TERF2: variants seen among roughly 807,000 people sequenced by gnomAD.
The protein encoded by TERF2 is telomeric repeat-binding factor 2.
Under a neutral mutation model 56.1 loss-of-function variants are expected in TERF2, and 16 were observed. The ratio of observed to expected loss-of-function variants is 0.29; its 90% CI spans 0.19 to 0.43. The LOEUF is 0.43. Ranked by LOEUF, TERF2 falls within the 20% of genes least tolerant of loss-of-function variation. The pLI is 1.00. For synonymous variants in TERF2, 296 were observed against 282.1 expected (o/e 1.05, Z -0.50); for missense variants, 547 against 712.9 (o/e 0.77, Z 2.65).
intron 3 of TERF2, among the ~76,000 whole-genome samples, chr16:69,381,260 T>G (rs1311549193): frequency 6.6e-6 from 1 of 152,226 alleles, no homozygotes; most frequent in Non-Finnish European, 1.5e-5. Context: ...TACTGTCACT[T>G]GTTTTATGTG....
At chr16:69,368,828 C>T (rs1433086041) in intron 5 of TERF2, among the ~76,000 whole-genome samples, 2 of 152,108 alleles carry the variant, frequency 1.3e-5, no homozygotes, top group African/African-American at 4.8e-5. Context: ...AGGCGCCCAC[C>T]ACCATGTCCA....
chr16:69,369,277 T>G (rs375211934), intron 5 of TERF2, among the ~76,000 whole-genome samples: 5 of 152,162 alleles, frequency 3.3e-5, no homozygotes, highest in African/African-American at 1.2e-4. Flanking sequence ...TCATGGACAC[T>G]ATCCTAATAT....
chr16:69,371,500 C>CA (rs778947462), intron 4 of TERF2, among the ~76,000 whole-genome samples: 1,752 of 41,526 alleles, frequency 0.042, 37 homozygotes, highest in Non-Finnish European at 0.062. Flanking sequence ...GACTCCATCT[C>CA]AAAAAAAAAA....
chr16:69,366,741 A>G (rs1015839050), intron 7 of TERF2, 66 bp downstream of exon 7: 1 of 1,526,134 alleles, frequency 6.6e-7, no homozygotes, highest in Non-Finnish European at 8.8e-7. Flanking sequence ...CATTCACGGA[A>G]GTAATACCAG....
chr16:69,378,923 C>A (rs992714046), intron 3 of TERF2, among the ~76,000 whole-genome samples: 1 of 147,580 alleles, frequency 6.8e-6, no homozygotes, highest in Non-Finnish European at 1.5e-5. Flanking sequence ...ATGAGCTTAT[C>A]TTTTAAAACT....
chr16:69,384,411 T>G (rs926967821), intron 3 of TERF2, among the ~76,000 whole-genome samples, 169 bp downstream of exon 3: 5 of 152,172 alleles, frequency 3.3e-5, no homozygotes, highest in African/African-American at 4.8e-5. Context: ...CAAGCCTGGG[T>G]GGGAAAGGAG....
At chr16:69,377,278 A>G (rs905610204) in intron 3 of TERF2, among the ~76,000 whole-genome samples, 12 of 152,078 alleles carry the variant, frequency 7.9e-5, no homozygotes, top group African/African-American at 2.9e-4. Context: ...ACGGGAGCTA[A>G]GTGGCAACTT....
Position 69,385,290 on chromosome 16 carries a change from AACTATCGC to A in TERF2, c.475+93_475+100del, listed in dbSNP as rs1452019822. On this transcript the variant is annotated intron_variant, in intron 2 of 9. Transcript: ENST00000254942. ...GAATGAAAAAGACCACTCTGATGGA[AACTATCGC>A]ACTTTAACCTGGAATCCTTCAGTTC... The A allele has an allele frequency of 8.2e-5, 83 of 1,016,224 alleles. No individual in the cohort carries two copies. The African/African-American group carries it at 1.2e-3, about 15-fold the overall frequency. The allele number at this position is 1,016,224 out of a possible 1,614,324, so 63.0% of individuals were successfully genotyped here.
intron 7 of TERF2, among the ~76,000 whole-genome samples, chr16:69,364,182 G>A (rs895057032): frequency 1.4e-4 from 21 of 152,086 alleles, no homozygotes; most frequent in East Asian, 5.8e-4. Flanking sequence ...GCAAGGTGCC[G>A]TGGGAGATAC....
intron 3 of TERF2, among the ~76,000 whole-genome samples, chr16:69,374,002 T>C (rs1231626689): frequency 3.3e-5 from 5 of 152,210 alleles, no homozygotes; most frequent in Admixed American, 2.0e-4. Flanking sequence ...GGAAGGCAAC[T>C]GATGTCAAAC....
chr16:69,356,843 G>C lies in TERF2; in HGVS notation c.*55C>G. 6.6e-7 allele frequency: 1 copy of C among 1,516,916 alleles called. No homozygotes were observed. The highest frequency in any genetic ancestry group is 1.3e-5 in the South Asian group (1 of 76,826). The allele number at this position is 1,516,916 out of a possible 1,614,324, so 94.0% of individuals were successfully genotyped here. Reference sequence around the variant, plus strand: ...AAAAGAAAGAAAGAGCAGACTATCAGGGGCTATTATTAGGAACCATGCTCC... The same window carrying C: ...AAAAGAAAGAAAGAGCAGACTATCACGGGCTATTATTAGGAACCATGCTCC... On this transcript the variant is annotated 3_prime_UTR_variant, in exon 10 of 10. Coordinates refer to ENST00000254942, the MANE Select transcript of TERF2 (RefSeq NM_005652.5).
At chr16:69,365,369 G>A (rs1169820198) in intron 7 of TERF2, 1 of 152,258 alleles carries the variant, frequency 6.6e-6, no homozygotes, top group African/African-American at 2.4e-5. Context: ...CTTATCAGAT[G>A]CCACAGCCCT....
In TERF2 at chr16:69,375,630, A is replaced by AT. The variant is rs544268629; in HGVS notation, c.607-3276dup. 3.0e-4 allele frequency among the ~76,000 whole-genome samples: 45 copies of AT among 152,170 alleles called. No individual in the cohort carries two copies. The South Asian group carries it at 9.3e-3, about 32-fold the overall frequency. ...TATAGTTAGGGTTTTTTTTTAATTA[A>AT]TTTTTCTTGAGATAGGGTCTATATC... On this transcript the variant is annotated intron_variant, in intron 3 of 9. Coordinates refer to ENST00000254942, the MANE Select transcript of TERF2 (RefSeq NM_005652.5).
chr16:69,384,017 T>G (rs2014096019), intron 3 of TERF2, among the ~76,000 whole-genome samples: 1 of 152,240 alleles, frequency 6.6e-6, no homozygotes. Flanking sequence ...CCCAAATTCC[T>G]AGACACTCCA....
At chr16:69,360,215 C>G (rs1043219921) in intron 8 of TERF2, among the ~76,000 whole-genome samples, 1 of 151,272 alleles carries the variant, frequency 6.6e-6, no homozygotes, top group Non-Finnish European at 1.5e-5. Flanking sequence ...GGTGAAAACC[C>G]GACTACTAAA....
chr16:69,375,185 T>C (rs990666575), intron 3 of TERF2, among the ~76,000 whole-genome samples: 6 of 152,186 alleles, frequency 3.9e-5, no homozygotes, highest in African/African-American at 1.4e-4. Context: ...ATGTCTGCAA[T>C]TTATGGTTAT....
chr16:69,368,299 T>A, intron 6 of TERF2, 77 bp downstream of exon 6: 1 of 1,391,256 alleles, frequency 7.2e-7, no homozygotes, highest in East Asian at 2.3e-5. Flanking sequence ...GAGGAACTGA[T>A]CCTGGCCTAA....
rs1232473993 is a variant in TERF2, at chr16:69,377,142, G to A, written c.607-4787C>T. ...CGCTTAAACCTAGGAGACGGAGGTT[G>A]CAGTGAGCTGAGATTGTGCCACTGC... On this transcript the variant is annotated intron_variant, in intron 3 of 9. Transcript: ENST00000254942. 4.0e-5 allele frequency among the ~76,000 whole-genome samples: 6 copies of A among 150,722 alleles called. No individual in the cohort carries two copies. In the South Asian group the frequency reaches 1.3e-3, roughly 32 times the overall value.
rs1430618231 is a variant in TERF2, at chr16:69,356,566, C to G, written c.*332G>C. The G allele has an allele frequency of 8.1e-6, 2 of 246,524 alleles. No homozygotes were observed. The highest frequency in any genetic ancestry group is 2.3e-5 in the African/African-American group (1 of 43,730). The allele number at this position is 246,524 out of a possible 1,614,324, so 15.3% of individuals were successfully genotyped here. A position where few individuals can be genotyped will look rare whatever the true frequency, so the allele number is the denominator to read the frequency against. On this transcript the variant is annotated 3_prime_UTR_variant, in exon 10 of 10. Coordinates refer to ENST00000254942, the MANE Select transcript of TERF2 (RefSeq NM_005652.5). ...CTGTAATCCCAGCACTTTGGGAGGC[C>G]GAGTTGGGTGGATCACGAGGTCAGG...
Sources: allele counts gnomAD v4.1 joint callset (sites outside exome capture counted in the v4.1 genomes callset), GRCh38; gene constraint gnomAD v4.1.1; transcripts MANE v1.5; gene names NCBI Gene and HGNC (gene_info 2026-07-23, HGNC 2026-07-21).